Variants in FAM3B observed in about 807,000 individuals in gnomAD.
The protein encoded by FAM3B is protein FAM3B.
In FAM3B, 29 loss-of-function variants were observed where a neutral mutation model predicts 28.4. The observed-to-expected ratio is 1.02, with a 90% CI of 0.76 to 1.39. The LOEUF is 1.39. Ranked by LOEUF, FAM3B falls within the 40% of genes most tolerant of loss-of-function variation. The pLI, the probability that FAM3B is intolerant of heterozygous loss-of-function variation, is 0.00. For synonymous variants in FAM3B, 91 were observed against 103.0 expected (o/e 0.88, Z 0.71); for missense variants, 266 against 293.9 (o/e 0.91, Z 0.69).
At chr21:41,313,895 A>G (rs113342462), upstream of FAM3B, among the ~76,000 whole-genome samples, 691 of 152,264 alleles carry the variant, frequency 4.5e-3, 8 homozygotes, top group African/African-American at 0.015. Context: ...GTTGGGTTGT[A>G]TATGGTTTGC....
Position 41,357,252 on chromosome 21 carries a change from C to G in FAM3B, c.*55C>G, listed in dbSNP as rs2089175812. ...GTATAAACAAATGCAGCTGGAATCGCTCAAGAATCTTATTTTTCTAAATCC... is the reference window on the plus strand; with the variant it reads ...GTATAAACAAATGCAGCTGGAATCGGTCAAGAATCTTATTTTTCTAAATCC... On this transcript the variant is annotated 3_prime_UTR_variant, in exon 8 of 8. Coordinates refer to ENST00000357985, the MANE Select transcript of FAM3B (RefSeq NM_058186.4). The G allele has an allele frequency of 4.0e-6, 5 of 1,252,124 alleles. No individual in the cohort carries two copies. Among genetic ancestry groups the G allele is most frequent in the Non-Finnish European group, 5.7e-6 (5 of 882,298 alleles). 77.6% of individuals were successfully genotyped at this position (1,252,124 alleles called of 1,614,324 possible). A position where few individuals can be genotyped will look rare whatever the true frequency, so the allele number is the denominator to read the frequency against.
chr21:41,357,351 GT>G lies in FAM3B; in HGVS notation c.*155del, dbSNP rs2089176423. ...CATTTGCTAGTTGTATCAAATCTTG[GT>G]ACGCAGTATTTTTATACCAGTATTT... is the stretch of plus-strand genomic sequence containing the variant. On this transcript the variant is annotated 3_prime_UTR_variant, in exon 8 of 8. Transcript: ENST00000357985. 1 of 433,722 alleles carries G rather than the reference GT, an allele frequency of 2.3e-6. No homozygotes were observed. Among genetic ancestry groups the G allele is most frequent in the African/African-American group, 2.1e-5 (1 of 48,722 alleles). 26.9% of individuals were successfully genotyped at this position (433,722 alleles called of 1,614,324 possible). A position where few individuals can be genotyped will look rare whatever the true frequency, so the allele number is the denominator to read the frequency against.
chr21:41,347,269 T>TA (rs200018772), intron 6 of FAM3B, among the ~76,000 whole-genome samples, 169 bp downstream of exon 6: 17 of 151,540 alleles, frequency 1.1e-4, no homozygotes, highest in South Asian at 2.1e-4. Context: ...GGCATTTCTT[T>TA]AAAAAAAAAT....
At chr21:41,307,483 A>T (rs911879436) in intron 1 of FAM3B, among the ~76,000 whole-genome samples, 3 of 152,174 alleles carry the variant, frequency 2.0e-5, no homozygotes, top group Non-Finnish European at 4.4e-5. Context: ...TGCATTTATA[A>T]CTTAGCTAAC....
intron 7 of FAM3B, among the ~76,000 whole-genome samples, chr21:41,355,981 G>T (rs1339427433): frequency 6.6e-6 from 1 of 151,330 alleles, no homozygotes; most frequent in Non-Finnish European, 1.5e-5. Flanking sequence ...AACCCACTTC[G>T]GGATGAATAC....
intron 1 of FAM3B, among the ~76,000 whole-genome samples, chr21:41,304,732 T>A (rs544854427): frequency 3.3e-5 from 5 of 151,980 alleles, no homozygotes; most frequent in Non-Finnish European, 7.4e-5. Context: ...AGGGGGAGGG[T>A]GACGCCTGGG....
chr21:41,333,057 G>C (rs901819877), intron 2 of FAM3B, among the ~76,000 whole-genome samples: 6 of 146,246 alleles, frequency 4.1e-5, no homozygotes, highest in Middle Eastern at 3.3e-3. Context: ...TTTAATGTAC[G>C]CATTTATTAC....
intron 3 of FAM3B, among the ~76,000 whole-genome samples, chr21:41,342,908 A>C (rs2089020867): frequency 6.6e-6 from 1 of 152,094 alleles, no homozygotes; most frequent in Non-Finnish European, 1.5e-5. Context: ...CTGTTTTTTA[A>C]AAAAATTGAG....
intron 1 of FAM3B, among the ~76,000 whole-genome samples, chr21:41,318,328 A>G (rs188141673): frequency 9.3e-4 from 141 of 152,284 alleles, no homozygotes; most frequent in Non-Finnish European, 1.3e-3. Flanking sequence ...TTTCAGGCAG[A>G]CGTTCCCAGG....
At chr21:41,327,241 G>C (rs980956871) in intron 2 of FAM3B, among the ~76,000 whole-genome samples, 1 of 152,184 alleles carries the variant, frequency 6.6e-6, no homozygotes, top group African/African-American at 2.4e-5. Flanking sequence ...CACAAACCAC[G>C]GATTCTTTTA....
In FAM3B at chr21:41,316,845, G is replaced by A; in HGVS notation, c.-35G>A. ...CGCTGGCTGCGGTCGCCTGGGAGCT[G>A]CCGCCAGGGCCAGGAGGGGAGCGGC... On this transcript the variant is annotated 5_prime_UTR_variant, in exon 1 of 8. Coordinates refer to ENST00000357985, the MANE Select transcript of FAM3B (RefSeq NM_058186.4). The A allele has an allele frequency of 7.0e-7, 1 of 1,435,402 alleles. No homozygotes were observed. 88.9% of individuals were successfully genotyped at this position (1,435,402 alleles called of 1,614,324 possible). A position where few individuals can be genotyped will look rare whatever the true frequency, so the allele number is the denominator to read the frequency against.
rs2088753556 is a variant in FAM3B, at chr21:41,316,843, C to G, written c.-37C>G. 1 of 1,435,534 alleles carries G rather than the reference C, an allele frequency of 7.0e-7. No homozygotes were observed. The highest frequency in any genetic ancestry group is 9.1e-7 in the Non-Finnish European group (1 of 1,097,630). The allele number at this position is 1,435,534 out of a possible 1,614,324, so 88.9% of individuals were successfully genotyped here. A position where few individuals can be genotyped will look rare whatever the true frequency, so the allele number is the denominator to read the frequency against. On this transcript the variant is annotated 5_prime_UTR_variant, in exon 1 of 8. Transcript: ENST00000357985. ...TCCGCTGGCTGCGGTCGCCTGGGAG[C>G]TGCCGCCAGGGCCAGGAGGGGAGCG...
At chr21:41,343,587 C>T (rs1394009094) in intron 3 of FAM3B, among the ~76,000 whole-genome samples, 2 of 152,100 alleles carry the variant, frequency 1.3e-5, no homozygotes, top group African/African-American at 2.4e-5. Context: ...GTTCCGTGTT[C>T]GCTATTCCAA....
intron 3 of FAM3B, 80 bp from the exon 4 acceptor site, chr21:41,344,396 A>G: frequency 7.5e-7 from 1 of 1,332,292 alleles, no homozygotes; most frequent in Non-Finnish European, 1.1e-6. Context: ...TGAGACTGAC[A>G]TTTGGTCAGG....
intron 7 of FAM3B, among the ~76,000 whole-genome samples, chr21:41,353,108 G>T (rs762766909): frequency 6.6e-6 from 1 of 152,100 alleles, no homozygotes; most frequent in Middle Eastern, 3.2e-3. Flanking sequence ...TAAAGTTAAC[G>T]TAGGAGATGC....
rs763009946 is a variant in FAM3B at position 41,348,716 on chromosome 21, A to G, written c.610A>G (p.Arg204Gly). ...CTTGGAACTCCCTTCCGAAATTCAGAGAGAAAAGGTGAGTGGTTTTAAAAT... is the reference window on the plus strand; with the variant it reads ...CTTGGAACTCCCTTCCGAAATTCAGGGAGAAAAGGTGAGTGGTTTTAAAAT... ...KGLELPSEIQ[R>G]EKINHSDAKN... Residue 204 changes from arginine to glycine, a missense_variant, in exon 7 of 8, where the codon AGA becomes GGA. Transcript: ENST00000357985. The G allele has an allele frequency of 6.2e-7, 1 of 1,614,216 alleles. No individual in the cohort carries two copies. The highest frequency in any genetic ancestry group is 1.7e-5 in the Admixed American group (1 of 60,030).
At chr21:41,337,808 G>GTC (rs1491495661) in intron 2 of FAM3B, among the ~76,000 whole-genome samples, 1 of 151,094 alleles carries the variant, frequency 6.6e-6, no homozygotes, top group Non-Finnish European at 1.5e-5. Context: ...GCTGTATATG[G>GTC]TGTGTGTGTG....
intron 3 of FAM3B, among the ~76,000 whole-genome samples, chr21:41,343,581 C>T (rs1322322137): frequency 1.3e-5 from 2 of 152,264 alleles, no homozygotes; most frequent in East Asian, 1.9e-4. Flanking sequence ...ATTAAAGTTC[C>T]GTGTTCGCTA....
intron 7 of FAM3B, among the ~76,000 whole-genome samples, chr21:41,349,121 C>G (rs530076084): frequency 9.2e-5 from 14 of 152,352 alleles, no homozygotes; most frequent in African/African-American, 3.1e-4. Flanking sequence ...CAACACTGCA[C>G]AAATCTGGCT....
Sources: gnomAD v4.1 joint callset for allele counts (sites outside exome capture counted in the v4.1 genomes callset) on GRCh38, gnomAD v4.1.1 for gene constraint, MANE v1.5 for transcripts, NCBI Gene and HGNC (gene_info 2026-07-23, HGNC 2026-07-21) for gene names.